The following ATP2C1 variants were observed in gnomAD, a reference collection of about 807,000 sequenced individuals.
The protein encoded by ATP2C1 is calcium-transporting ATPase type 2C member 1.
Under a neutral mutation model 120.5 loss-of-function variants are expected in ATP2C1, and 31 were observed. That is an observed-to-expected ratio of 0.26 (90% CI 0.19 to 0.35). The LOEUF is 0.35. Ranked by LOEUF, ATP2C1 falls within the 10% of genes least tolerant of loss-of-function variation. The pLI is 1.00. For synonymous variants in ATP2C1, 351 were observed against 358.7 expected (o/e 0.98, Z 0.24); for missense variants, 731 against 1,107.5 (o/e 0.66, Z 4.83).
intron 2 of ATP2C1, among the ~76,000 whole-genome samples, chr3:130,898,736 A>G (rs1280226715): frequency 6.6e-6 from 1 of 152,186 alleles, no homozygotes; most frequent in Non-Finnish European, 1.5e-5. Flanking sequence ...AACGCAAAGC[A>G]TTATGAAACA....
Position 131,002,458 on chromosome 3 carries a change from A to C in ATP2C1, c.*1108A>C, listed in dbSNP as rs1168963446. On this transcript the variant is annotated 3_prime_UTR_variant, in exon 28 of 28. Transcript: ENST00000510168. ...TGGCCTAGATTTTAGCACAAACCTGAGTATATCTCTTCTACTTTCATCATG... is the reference window on the plus strand; with the variant it reads ...TGGCCTAGATTTTAGCACAAACCTGCGTATATCTCTTCTACTTTCATCATG... 2.0e-6 allele frequency: 2 copies of C among 985,318 alleles called. No homozygotes were observed. Among genetic ancestry groups the C allele is most frequent in the Admixed American group, 1.2e-4 (2 of 16,274 alleles). The allele number at this position is 985,318 out of a possible 1,614,324, so 61.0% of individuals were successfully genotyped here. A position where few individuals can be genotyped will look rare whatever the true frequency, so the allele number is the denominator to read the frequency against.
At chr3:130,875,501 C>A (rs2068571908) in intron 1 of ATP2C1, among the ~76,000 whole-genome samples, 1 of 152,128 alleles carries the variant, frequency 6.6e-6, no homozygotes. Flanking sequence ...TGTATATATA[C>A]CACATTTTCT....
At chr3:130,973,833 A>G (rs1483891771) in intron 17 of ATP2C1, among the ~76,000 whole-genome samples, 4 of 152,190 alleles carry the variant, frequency 2.6e-5, no homozygotes, top group Non-Finnish European at 5.9e-5. Context: ...ATGAGAGGAA[A>G]TTTATCCCTA....
chr3:130,900,246 A>T (rs2070040809), intron 2 of ATP2C1, among the ~76,000 whole-genome samples: 1 of 152,070 alleles, frequency 6.6e-6, no homozygotes, highest in South Asian at 2.1e-4. Flanking sequence ...AATTTTTTTA[A>T]AGACGAGGTC....
intron 16 of ATP2C1, among the ~76,000 whole-genome samples, chr3:130,968,863 A>G (rs2061168921): frequency 6.6e-6 from 1 of 152,190 alleles, no homozygotes; most frequent in African/African-American, 2.4e-5. Context: ...AAAGTGGCAG[A>G]GGGTAAGGGA....
chr3:130,984,735 T>C (rs1321300743), intron 20 of ATP2C1, among the ~76,000 whole-genome samples: 1 of 152,078 alleles, frequency 6.6e-6, no homozygotes, highest in African/African-American at 2.4e-5. Flanking sequence ...ATCCTAAAAA[T>C]CTAATTCTGG....
At chr3:130,896,669 A>G (rs1183048638) in intron 2 of ATP2C1, among the ~76,000 whole-genome samples, 1 of 152,218 alleles carries the variant, frequency 6.6e-6, no homozygotes, top group East Asian at 1.9e-4. Flanking sequence ...ACAAAAATGG[A>G]TTCAAGTCTT....
At chr3:130,996,592 A>G in intron 23 of ATP2C1, 88 bp from the exon 24 acceptor site, 1 of 895,634 alleles carries the variant, frequency 1.1e-6, no homozygotes, top group Non-Finnish European at 1.9e-6. Flanking sequence ...GCATAGTAGT[A>G]AGAGATTTTT....
chr3:130,918,251 C>T, intron 2 of ATP2C1: 1 of 1,515,234 alleles, frequency 6.6e-7, no homozygotes, highest in African/African-American at 1.4e-5. Context: ...CTCTCCTTGG[C>T]CATAGCCAAA....
chr3:130,991,203 A>G lies in ATP2C1; in HGVS notation c.1840-1748A>G, dbSNP rs61426156. The stretch of plus-strand genomic sequence containing the variant: ...CAGCCAAAAAGGTAGGAGGAAGACC[A>G]GTATCGGTGGTAGTGGAAGCCAAGG... On this transcript the variant is annotated intron_variant, in intron 20 of 27. Coordinates refer to ENST00000510168, the MANE Select transcript of ATP2C1 (RefSeq NM_001378687.1). Among the ~76,000 whole-genome samples the G allele has an allele frequency of 3.8e-3, 574 of 152,250 alleles. 2 individuals are homozygous for G. Among genetic ancestry groups the G allele is most frequent in the African/African-American group, 0.013 (549 of 41,564 alleles).
rs6808974 is a variant in ATP2C1 at position 130,936,215 on chromosome 3, A to T, written c.325-1213A>T. Among the ~76,000 whole-genome samples, 776 of 151,786 alleles carry T rather than the reference A, an allele frequency of 5.1e-3. 6 individuals carry two copies. The highest frequency in any genetic ancestry group is 0.018 in the African/African-American group (742 of 41,404). On this transcript the variant is annotated intron_variant, in intron 5 of 27. Coordinates refer to ENST00000510168, the MANE Select transcript of ATP2C1 (RefSeq NM_001378687.1). ...TTTCAACAAATGTGTGTTTTTTTTA[A>T]AAAAAAAATTGTTACGAAATGTGGT...
At chr3:130,915,094 T>C (rs2058621238) in intron 2 of ATP2C1, among the ~76,000 whole-genome samples, 1 of 151,964 alleles carries the variant, frequency 6.6e-6, no homozygotes, top group Non-Finnish European at 1.5e-5. Context: ...TTCTGGGTTT[T>C]TTTTTTTTCC....
At chr3:130,967,652 A>G (rs2061108401) in intron 16 of ATP2C1, among the ~76,000 whole-genome samples, 1 of 152,196 alleles carries the variant, frequency 6.6e-6, no homozygotes, top group African/African-American at 2.4e-5. Context: ...ATGAGCAGTC[A>G]TTGATTTCTT....
chr3:130,929,187 T>TGAA (rs1312284820), intron 2 of ATP2C1, among the ~76,000 whole-genome samples: 1 of 152,212 alleles, frequency 6.6e-6, no homozygotes, highest in African/African-American at 2.4e-5. Flanking sequence ...CATTAAAAGT[T>TGAA]GAAAAATACT....
intron 6 of ATP2C1, among the ~76,000 whole-genome samples, chr3:130,940,395 A>C (rs1438955078): frequency 6.6e-6 from 1 of 152,202 alleles, no homozygotes; most frequent in Non-Finnish European, 1.5e-5. Context: ...AAATAACCTT[A>C]GGTTTGTACA....
chr3:130,982,446 CA>C (rs2108795265), intron 20 of ATP2C1, among the ~76,000 whole-genome samples: 1 of 152,294 alleles, frequency 6.6e-6, no homozygotes, highest in Non-Finnish European at 1.5e-5. Context: ...AGGGGCCTAT[CA>C]AAGCCTGGTT....
intron 20 of ATP2C1, among the ~76,000 whole-genome samples, chr3:130,984,746 A>G (rs1263229224): frequency 6.6e-6 from 1 of 152,232 alleles, no homozygotes; most frequent in East Asian, 1.9e-4. Context: ...CTAATTCTGG[A>G]AAAAATAATT....
intron 2 of ATP2C1, among the ~76,000 whole-genome samples, chr3:130,922,919 A>C (rs2059032228): frequency 6.6e-6 from 1 of 152,172 alleles, no homozygotes; most frequent in Non-Finnish European, 1.5e-5. Context: ...TGGTGAAAAG[A>C]ATGTATATTC....
intron 26 of ATP2C1, among the ~76,000 whole-genome samples, chr3:131,011,493 A>C (rs2063315289): frequency 6.6e-6 from 1 of 152,234 alleles, no homozygotes; most frequent in Admixed American, 6.5e-5. Context: ...TAATCACTTG[A>C]TTGCAAACAT....
Sources: gnomAD v4.1 joint callset for allele counts (sites outside exome capture counted in the v4.1 genomes callset) on GRCh38, gnomAD v4.1.1 for gene constraint, MANE v1.5 for transcripts, NCBI Gene and HGNC (gene_info 2026-07-23, HGNC 2026-07-21) for gene names.